Variants in TMEM181 observed in about 807,000 individuals in gnomAD.
TMEM181 encodes transmembrane protein 181.
In TMEM181, 39 loss-of-function variants were observed where a neutral mutation model predicts 71.9. The observed-to-expected ratio is 0.54, with a 90% CI of 0.42 to 0.71. The LOEUF (loss-of-function observed/expected upper bound fraction) is 0.71, where lower values mean the gene tolerates loss of function less well. Ranked by LOEUF, TMEM181 falls within the 30% of genes least tolerant of loss-of-function variation. TMEM181 has a pLI of 0.00. For missense variants in TMEM181, 595 were observed against 583.0 expected, an observed-to-expected ratio of 1.02 and a Z score of -0.21; for synonymous variants, 245 against 228.8, an observed-to-expected ratio of 1.07 and a Z score of -0.64.
At chr6:158,606,529 G>A (rs1784968228) in intron 7 of TMEM181, among the ~76,000 whole-genome samples, 1 of 152,166 alleles carries the variant, frequency 6.6e-6, no homozygotes, top group South Asian at 2.1e-4. Flanking sequence ...AGGGAAGATG[G>A]TCCCTAGGCA....
chr6:158,611,706 C>G, intron 10 of TMEM181: 1 of 232,282 alleles, frequency 4.3e-6, no homozygotes, highest in East Asian at 1.2e-4. Context: ...CGAGGAATGC[C>G]GGGGAGGAAT....
chr6:158,631,768 C>A, intron 16 of TMEM181, 42 bp from the exon 17 acceptor site: 1 of 1,547,802 alleles, frequency 6.5e-7, no homozygotes, highest in African/African-American at 1.4e-5. Context: ...AAATAAAGAG[C>A]TGTCAGAAGT....
chr6:158,596,133 G>T (rs1784377456), intron 6 of TMEM181, among the ~76,000 whole-genome samples: 1 of 152,134 alleles, frequency 6.6e-6, no homozygotes, highest in African/African-American at 2.4e-5. Context: ...CGTTAGCCAG[G>T]ATGGTCTTGA....
intron 6 of TMEM181, among the ~76,000 whole-genome samples, 183 bp from the exon 7 acceptor site, chr6:158,605,084 G>A (rs1177740288): frequency 1.3e-5 from 2 of 149,164 alleles, no homozygotes; most frequent in Non-Finnish European, 3.0e-5. Context: ...ACTTCACTCC[G>A]GCCTGGGCGA....
upstream of TMEM181, among the ~76,000 whole-genome samples, chr6:158,557,897 G>A (rs1781962869): frequency 6.6e-6 from 1 of 152,222 alleles, no homozygotes; most frequent in Non-Finnish European, 1.5e-5. Context: ...TTCGTGTTGT[G>A]TTTCCAGAGC....
At chr6:158,539,991 G>A (rs563974293) in intron 1 of TMEM181, among the ~76,000 whole-genome samples, 235 of 152,274 alleles carry the variant, frequency 1.5e-3, no homozygotes, top group African/African-American at 5.2e-3. Context: ...AAACCACAGC[G>A]AACCAGTCTA....
chr6:158,602,824 C>T (rs1213466511), intron 6 of TMEM181, among the ~76,000 whole-genome samples: 3 of 152,100 alleles, frequency 2.0e-5, no homozygotes, highest in Admixed American at 2.0e-4. Context: ...TCAAACTAGC[C>T]TCCCACCTCA....
intron 7 of TMEM181, among the ~76,000 whole-genome samples, chr6:158,606,588 G>A (rs1453428430): frequency 1.3e-5 from 2 of 152,216 alleles, no homozygotes; most frequent in African/African-American, 4.8e-5. Flanking sequence ...CAGATTATAC[G>A]AAAACAATCA....
At chr6:158,573,982 G>T (rs1261490147) in intron 2 of TMEM181, among the ~76,000 whole-genome samples, 1 of 152,028 alleles carries the variant, frequency 6.6e-6, no homozygotes, top group Non-Finnish European at 1.5e-5. Context: ...GATCATCTAG[G>T]CCAATCCCCT....
chr6:158,589,107 C>T (rs1032857224), intron 5 of TMEM181, among the ~76,000 whole-genome samples: 3 of 152,218 alleles, frequency 2.0e-5, no homozygotes, highest in South Asian at 2.1e-4. Context: ...GTGGAGCACA[C>T]GTATCCTCAC....
intron 6 of TMEM181, among the ~76,000 whole-genome samples, chr6:158,599,769 C>T (rs986834459): frequency 1.4e-4 from 22 of 152,332 alleles, no homozygotes; most frequent in African/African-American, 5.1e-4. Flanking sequence ...GGGGCCAGGG[C>T]CCTACTCTCG....
intron 11 of TMEM181, among the ~76,000 whole-genome samples, chr6:158,624,497 C>CGGCCT (rs1202625542): frequency 6.6e-6 from 1 of 152,230 alleles, no homozygotes; most frequent in Non-Finnish European, 1.5e-5. Flanking sequence ...GTCCACCCCG[C>CGGCCT]GGCCTGGCCC....
At chr6:158,559,042 A>G (rs1782010860), upstream of TMEM181, among the ~76,000 whole-genome samples, 1 of 152,168 alleles carries the variant, frequency 6.6e-6, no homozygotes, top group Non-Finnish European at 1.5e-5. Context: ...TCAGAGCACT[A>G]ATGAGATTTT....
At chr6:158,598,032 A>G (rs1036562282) in intron 6 of TMEM181, among the ~76,000 whole-genome samples, 1 of 152,140 alleles carries the variant, frequency 6.6e-6, no homozygotes, top group Non-Finnish European at 1.5e-5. Context: ...ACCCGTTGCC[A>G]CGTTCAGGCC....
chr6:158,605,114 CA>C (rs71812545), intron 6 of TMEM181, among the ~76,000 whole-genome samples, 152 bp from the exon 7 acceptor site: 85 of 41,894 alleles, frequency 2.0e-3, no homozygotes, highest in Non-Finnish European at 3.5e-3. Flanking sequence ...ACTCCATATC[CA>C]AAAAAAAAAA....
Position 158,631,883 on chromosome 6 carries a change from G to A in TMEM181, c.1423G>A (p.Asp475Asn). ...RAKYKEESDS[D>N] is the part of the protein sequence containing the mutation. The stretch of plus-strand genomic sequence containing the variant: ...CAAGTACAAGGAGGAGTCAGATAGT[G>A]ACTGAGCCCCGGCCAGCCCAGCGAG... Residue 475 changes from aspartate (D) to asparagine (N), a missense_variant, in exon 17 of 17, where the codon GAC becomes AAC. By Grantham distance (23) the Asp-to-Asn change is conservative (BLOSUM62 1). Coordinates refer to ENST00000684151, the MANE Select transcript of TMEM181 (RefSeq NM_001376852.1). The A allele has an allele frequency of 6.3e-7, 1 of 1,589,250 alleles. No individual in the cohort carries two copies. Among genetic ancestry groups the A allele is most frequent in the Non-Finnish European group, 8.6e-7 (1 of 1,167,278 alleles).
intron 6 of TMEM181, among the ~76,000 whole-genome samples, chr6:158,604,866 G>A (rs966595101): frequency 4.6e-5 from 7 of 151,856 alleles, no homozygotes; most frequent in Non-Finnish European, 8.8e-5. Flanking sequence ...ATTATTTTTC[G>A]CTCTTGGTAA....
At chr6:158,554,421 T>C (rs992308482) in intron 1 of TMEM181, among the ~76,000 whole-genome samples, 2 of 152,026 alleles carry the variant, frequency 1.3e-5, no homozygotes, top group African/African-American at 4.8e-5. Context: ...GATTTTGCCA[T>C]GTTGGCCAGG....
chr6:158,611,775 TG>T, intron 10 of TMEM181: 7 of 215,870 alleles, frequency 3.2e-5, no homozygotes, highest in East Asian at 1.3e-4. Flanking sequence ...AAGACAGGTT[TG>T]TTTTGGACAA....
Sources: gnomAD v4.1 joint callset for allele counts (sites outside exome capture counted in the v4.1 genomes callset) on GRCh38, gnomAD v4.1.1 for gene constraint, MANE v1.5 for transcripts, NCBI Gene and HGNC (gene_info 2026-07-23, HGNC 2026-07-21) for gene names.